Variants in TMTC2 observed in about 807,000 individuals in gnomAD.
TMTC2 encodes protein O-mannosyl-transferase TMTC2.
A neutral mutation model predicts 82.4 loss-of-function variants in TMTC2; 43 were observed. The ratio of observed to expected loss-of-function variants is 0.52; its 90% CI spans 0.41 to 0.67. TMTC2 has a LOEUF of 0.67. Ranked by LOEUF, TMTC2 falls within the 30% of genes least tolerant of loss-of-function variation. The probability of loss-of-function intolerance (pLI) is 0.00; values close to 1 mark genes in which losing one functional copy is unlikely to be tolerated. For synonymous variants in TMTC2, 408 were observed against 381.9 expected (o/e 1.07, Z -0.80); for missense variants, 919 against 1,012.4 (o/e 0.91, Z 1.25).
chr12:83,103,192 A>G (rs532139557), intron 11 of TMTC2, among the ~76,000 whole-genome samples: 1 of 152,308 alleles, frequency 6.6e-6, no homozygotes, highest in South Asian at 2.1e-4. Flanking sequence ...ATAGAGTCCA[A>G]TAGCAGCCCT....
intron 4 of TMTC2, among the ~76,000 whole-genome samples, chr12:82,938,893 G>A (rs780890358): frequency 4.6e-5 from 7 of 151,918 alleles, no homozygotes; most frequent in African/African-American, 7.3e-5. Context: ...ATCTTACTAC[G>A]TTTTTGGTAA....
intron 1 of TMTC2, among the ~76,000 whole-genome samples, chr12:82,791,857 G>A (rs1032386412): frequency 5.0e-4 from 76 of 152,236 alleles, no homozygotes; most frequent in African/African-American, 1.7e-3. Context: ...CAGGCATGGA[G>A]GACCTTTGAT....
intron 2 of TMTC2, among the ~76,000 whole-genome samples, chr12:82,887,690 A>G (rs1026342794): frequency 1.1e-4 from 16 of 152,198 alleles, no homozygotes; most frequent in Non-Finnish European, 4.4e-5. Context: ...ATAATTAGAA[A>G]TATCTATTTT....
chr12:82,693,926 C>T (rs181275720), intron 1 of TMTC2, among the ~76,000 whole-genome samples: 1 of 148,802 alleles, frequency 6.7e-6, no homozygotes, highest in African/African-American at 2.5e-5. Context: ...CAAGATCGCG[C>T]CACCATACTC....
intron 1 of TMTC2, among the ~76,000 whole-genome samples, chr12:82,841,937 A>G (rs141556661): frequency 1.6e-4 from 25 of 152,354 alleles, no homozygotes; most frequent in African/African-American, 6.0e-4. Flanking sequence ...TTAAAAGAAT[A>G]TGGTACAAAA....
At chr12:82,768,371 A>G (rs1877095086) in intron 1 of TMTC2, among the ~76,000 whole-genome samples, 2 of 152,182 alleles carry the variant, frequency 1.3e-5, no homozygotes, top group African/African-American at 4.8e-5. Context: ...GACAGAAAGA[A>G]AAGGCCCTAG....
At chr12:83,030,082 C>A (rs551454400) in intron 8 of TMTC2, among the ~76,000 whole-genome samples, 42 of 152,030 alleles carry the variant, frequency 2.8e-4, no homozygotes, top group Non-Finnish European at 2.1e-4. Context: ...TAATATTTTT[C>A]ATTACAGGCC....
chr12:82,804,257 C>T (rs958267807), intron 1 of TMTC2, among the ~76,000 whole-genome samples: 2 of 151,978 alleles, frequency 1.3e-5, no homozygotes, highest in Admixed American at 6.5e-5. Flanking sequence ...GGTTGGTCAC[C>T]TTTCAGAAAG....
At chr12:82,934,277 C>T (rs531588285) in intron 4 of TMTC2, among the ~76,000 whole-genome samples, 8 of 152,158 alleles carry the variant, frequency 5.3e-5, no homozygotes, top group Admixed American at 2.6e-4. Flanking sequence ...ATGTGCAAAA[C>T]GTGCAGGTTT....
chr12:82,969,079 G>A (rs1878342297), intron 7 of TMTC2, among the ~76,000 whole-genome samples: 1 of 152,094 alleles, frequency 6.6e-6, no homozygotes, highest in Non-Finnish European at 1.5e-5. Context: ...AATACCCCAA[G>A]TGTTGGCTCT....
intron 8 of TMTC2, among the ~76,000 whole-genome samples, chr12:82,990,993 G>T (rs1340127658): frequency 6.6e-6 from 1 of 152,188 alleles, no homozygotes; most frequent in Non-Finnish European, 1.5e-5. Flanking sequence ...TAGATGGGGA[G>T]ATGGGCACAA....
At chr12:83,086,993 T>G (rs996021886) in intron 11 of TMTC2, among the ~76,000 whole-genome samples, 1 of 152,224 alleles carries the variant, frequency 6.6e-6, no homozygotes, top group Admixed American at 6.5e-5. Flanking sequence ...AAGATTTCTC[T>G]GTAGCATGCA....
chr12:83,073,193 C>T (rs1883175715), intron 11 of TMTC2, among the ~76,000 whole-genome samples: 1 of 152,032 alleles, frequency 6.6e-6, no homozygotes, highest in Non-Finnish European at 1.5e-5. Flanking sequence ...AATGTGTATT[C>T]TCTCAGCATT....
Position 82,687,240 on chromosome 12 carries a change from C to A in TMTC2, c.-347C>A, listed in dbSNP as rs1029112396. 4.0e-5 allele frequency: 14 copies of A among 353,500 alleles called. No individual in the cohort carries two copies. The highest frequency in any genetic ancestry group is 7.5e-5 in the Non-Finnish European group (14 of 187,628). The allele number at this position is 353,500 out of a possible 1,614,324, so 21.9% of individuals were successfully genotyped here. On this transcript the variant is annotated 5_prime_UTR_variant, in exon 1 of 12. Coordinates refer to ENST00000321196, the MANE Select transcript of TMTC2 (RefSeq NM_152588.3). ...GTCCCACTCCTCACCTAGGACGCCC[C>A]AAACTGCCATGGGTTAGGGTGGGGA...
intron 9 of TMTC2, among the ~76,000 whole-genome samples, chr12:83,049,524 T>A (rs1420918335): frequency 6.6e-6 from 1 of 152,354 alleles, no homozygotes; most frequent in African/African-American, 2.4e-5. Context: ...TAGTATTCCA[T>A]GGTGTGTGTA....
intron 1 of TMTC2, among the ~76,000 whole-genome samples, chr12:82,734,958 A>G (rs909159731): frequency 1.3e-5 from 2 of 152,186 alleles, no homozygotes; most frequent in Non-Finnish European, 2.9e-5. Flanking sequence ...TGCTCAGTTA[A>G]TAGAGTTTGT....
chr12:82,690,199 T>C lies in TMTC2; in HGVS notation c.83+2530T>C, dbSNP rs1200884876. The C allele has an allele frequency of 3.6e-5, 7 of 195,096 alleles. No homozygotes were observed. The Admixed American group carries it at 4.6e-4, about 13-fold the overall frequency. The allele number at this position is 195,096 out of a possible 1,614,324, so 12.1% of individuals were successfully genotyped here. A position where few individuals can be genotyped will look rare whatever the true frequency, so the allele number is the denominator to read the frequency against. On this transcript the variant is annotated intron_variant, in intron 1 of 11. Transcript: ENST00000321196. The stretch of plus-strand genomic sequence containing the variant: ...GGGAGGAAAGCTGGGGAGCCAAGTG[T>C]AAACTGTAGGATGATGATAATTTGT...
intron 4 of TMTC2, among the ~76,000 whole-genome samples, chr12:82,931,802 G>C (rs1661829504): frequency 6.6e-6 from 1 of 152,138 alleles, no homozygotes; most frequent in Admixed American, 6.5e-5. Context: ...CAGAAGGAAA[G>C]AGAACTGTTT....
At chr12:83,085,529 G>T (rs1883623244) in intron 11 of TMTC2, among the ~76,000 whole-genome samples, 1 of 151,874 alleles carries the variant, frequency 6.6e-6, no homozygotes, top group Admixed American at 6.6e-5. Flanking sequence ...TATTTCTTTT[G>T]CCTTGAAAAC....
Sources: allele counts gnomAD v4.1 joint callset (sites outside exome capture counted in the v4.1 genomes callset), GRCh38; gene constraint gnomAD v4.1.1; transcripts MANE v1.5; gene names NCBI Gene and HGNC (gene_info 2026-07-23, HGNC 2026-07-21).